Variants in PTPRD observed in about 807,000 individuals in gnomAD.
The protein encoded by PTPRD is receptor-type tyrosine-protein phosphatase delta.
PTPRD carries 34 observed loss-of-function variants against 214.5 expected under a neutral mutation model. That is an observed-to-expected ratio of 0.16 (90% CI 0.12 to 0.21). The LOEUF is 0.21. PTPRD is among the 10% of genes least tolerant of loss of function. The pLI, the probability that PTPRD is intolerant of heterozygous loss-of-function variation, is 1.00. For synonymous variants in PTPRD, 1,128 were observed against 845.7 expected, an observed-to-expected ratio of 1.33 and a Z score of -5.79; for missense variants, 2,545 against 2,398.7, an observed-to-expected ratio of 1.06 and a Z score of -1.27.
At chr9:9,668,609 A>C (rs2096768529) in intron 7 of PTPRD, among the ~76,000 whole-genome samples, 1 of 152,200 alleles carries the variant, frequency 6.6e-6, no homozygotes. Flanking sequence ...ATTCAGCATA[A>C]AGAGAAATTC....
At chr9:10,333,123 A>C (rs2096781380) in intron 3 of PTPRD, among the ~76,000 whole-genome samples, 1 of 151,830 alleles carries the variant, frequency 6.6e-6, no homozygotes, top group East Asian at 1.9e-4. Context: ...ATACGAAGTG[A>C]GGATATTCAG....
At chr9:9,662,722 C>T (rs2096643934) in intron 7 of PTPRD, among the ~76,000 whole-genome samples, 1 of 151,580 alleles carries the variant, frequency 6.6e-6, no homozygotes, top group Admixed American at 6.6e-5. Flanking sequence ...CACATATCTA[C>T]TGAAGGCTTG....
chr9:10,024,953 C>T (rs1430078427), intron 4 of PTPRD, among the ~76,000 whole-genome samples: 1 of 151,786 alleles, frequency 6.6e-6, no homozygotes, highest in African/African-American at 2.4e-5. Flanking sequence ...CTACAAAGGA[C>T]ATGAACTCAT....
chr9:9,874,331 C>T (rs1296432942), intron 5 of PTPRD, among the ~76,000 whole-genome samples: 1 of 152,044 alleles, frequency 6.6e-6, no homozygotes, highest in Non-Finnish European at 1.5e-5. Context: ...CCATAACCTC[C>T]AAATCTTAAC....
chr9:8,553,023 TA>T (rs1337467762), intron 14 of PTPRD, among the ~76,000 whole-genome samples: 1 of 152,142 alleles, frequency 6.6e-6, no homozygotes, highest in Admixed American at 6.5e-5. Flanking sequence ...AGAGACAGTA[TA>T]AATCACTTGA....
chr9:9,324,754 G>T (rs1189946406), intron 9 of PTPRD, among the ~76,000 whole-genome samples: 1 of 152,082 alleles, frequency 6.6e-6, no homozygotes, highest in East Asian at 1.9e-4. Context: ...TTTCAGTCAT[G>T]AAGTCCTTGC....
chr9:9,656,845 A>C (rs2154376968), intron 7 of PTPRD, among the ~76,000 whole-genome samples: 1 of 152,158 alleles, frequency 6.6e-6, no homozygotes, highest in South Asian at 2.1e-4. Flanking sequence ...GATAGTGGGA[A>C]AGGTTGTAGG....
chr9:9,455,293 A>T (rs760512048), intron 8 of PTPRD, among the ~76,000 whole-genome samples: 2 of 151,518 alleles, frequency 1.3e-5, no homozygotes, highest in Non-Finnish European at 3.0e-5. Flanking sequence ...TAAAATATTA[A>T]TTTTTAAAAA....
chr9:9,976,340 G>T (rs1250344092), intron 4 of PTPRD, among the ~76,000 whole-genome samples: 2 of 151,914 alleles, frequency 1.3e-5, no homozygotes, highest in Non-Finnish European at 2.9e-5. Flanking sequence ...AATATACTTT[G>T]TCACCACAAA....
intron 3 of PTPRD, among the ~76,000 whole-genome samples, chr9:10,184,774 T>A (rs952228649): frequency 2.0e-5 from 3 of 152,192 alleles, no homozygotes; most frequent in African/African-American, 7.2e-5. Context: ...TCAGTCAAAG[T>A]GATAAATGCG....
intron 9 of PTPRD, among the ~76,000 whole-genome samples, chr9:9,237,197 G>A (rs151133340): frequency 0.012 from 1,866 of 152,246 alleles, 18 homozygotes; most frequent in Middle Eastern, 0.02. Context: ...GCAAACAAAT[G>A]ATAATACAAT....
At chr9:10,272,291 T>C (rs972103432) in intron 3 of PTPRD, among the ~76,000 whole-genome samples, 1 of 152,220 alleles carries the variant, frequency 6.6e-6, no homozygotes. Flanking sequence ...GCACTTCGCT[T>C]TTTATTGCCA....
intron 3 of PTPRD, among the ~76,000 whole-genome samples, chr9:10,037,177 A>G (rs975292934): frequency 6.6e-6 from 1 of 152,018 alleles, no homozygotes; most frequent in Admixed American, 6.6e-5. Flanking sequence ...AGCACCATGC[A>G]CCACAAAATA....
At chr9:10,132,237 TAA>T (rs1263043849) in intron 3 of PTPRD, among the ~76,000 whole-genome samples, 2 of 152,168 alleles carry the variant, frequency 1.3e-5, no homozygotes, top group African/African-American at 2.4e-5. Context: ...CCAGAAATTA[TAA>T]GTTTCCTTGT....
At chr9:9,084,398 C>A (rs1043592689) in intron 10 of PTPRD, among the ~76,000 whole-genome samples, 1 of 152,018 alleles carries the variant, frequency 6.6e-6, no homozygotes, top group Non-Finnish European at 1.5e-5. Flanking sequence ...ACACCAGGGC[C>A]TGTCAGGGGT....
At chr9:8,877,583 G>C (rs2154214379) in intron 11 of PTPRD, among the ~76,000 whole-genome samples, 1 of 152,054 alleles carries the variant, frequency 6.6e-6, no homozygotes, top group African/African-American at 2.4e-5. Flanking sequence ...CTGGCAATAG[G>C]TCAACTTATA....
chr9:10,108,532 C>A lies in PTPRD; in HGVS notation c.-544-74742G>T, dbSNP rs138622674. On this transcript the variant is annotated intron_variant, in intron 3 of 45. Transcript: ENST00000381196. ...TACTCTCTGCTTCTATAAATTTGAA[C>A]TTCTGAGGTACCATATATAAATGAG... 5.8e-4 allele frequency among the ~76,000 whole-genome samples: 88 copies of A among 151,960 alleles called. No individual in the cohort carries two copies. In the South Asian group the frequency reaches 0.016, roughly 28 times the overall value.
At chr9:9,304,923 G>A (rs1319301586) in intron 9 of PTPRD, among the ~76,000 whole-genome samples, 2 of 147,794 alleles carry the variant, frequency 1.4e-5, no homozygotes, top group Non-Finnish European at 3.0e-5. Flanking sequence ...CTTTGGAATC[G>A]GTGGTGGGTT....
At chr9:9,771,146 G>A (rs1341517041) in intron 5 of PTPRD, among the ~76,000 whole-genome samples, 1 of 152,036 alleles carries the variant, frequency 6.6e-6, no homozygotes, top group Non-Finnish European at 1.5e-5. Flanking sequence ...AGTTGCTCAA[G>A]ATTATGTTCT....
Sources: allele counts gnomAD v4.1 joint callset (sites outside exome capture counted in the v4.1 genomes callset), GRCh38; gene constraint gnomAD v4.1.1; transcripts MANE v1.5; gene names NCBI Gene and HGNC (gene_info 2026-07-23, HGNC 2026-07-21).